ESRRG: variants seen among roughly 807,000 people sequenced by gnomAD.
ESRRG encodes estrogen related receptor gamma.
Under a neutral mutation model 44.0 loss-of-function variants are expected in ESRRG, and 13 were observed. That is an observed-to-expected ratio of 0.30 (90% CI 0.19 to 0.47). The LOEUF is 0.47. ESRRG is among the 20% of genes least tolerant of loss of function. The pLI is 1.00. For missense variants in ESRRG, 395 were observed against 580.6 expected (o/e 0.68, Z 3.29); for synonymous variants, 215 against 214.6 (o/e 1.00, Z -0.02).
intron 5 of ESRRG, among the ~76,000 whole-genome samples, chr1:216,532,060 A>G (rs2049530445): frequency 6.6e-6 from 1 of 152,064 alleles, no homozygotes; most frequent in East Asian, 1.9e-4. Context: ...GAGTAGCATG[A>G]ACATTACCTC....
At chr1:216,521,974 C>G (rs2046215877) in intron 5 of ESRRG, among the ~76,000 whole-genome samples, 1 of 152,120 alleles carries the variant, frequency 6.6e-6, no homozygotes, top group Non-Finnish European at 1.5e-5. Flanking sequence ...TGCACGGAAA[C>G]TTTAAAGTTG....
chr1:216,682,514 T>C (rs2077193991), intron 1 of ESRRG, among the ~76,000 whole-genome samples: 1 of 151,942 alleles, frequency 6.6e-6, no homozygotes, highest in African/African-American at 2.4e-5. Context: ...AGTCCTCAGC[T>C]CCTCTGTGTG....
intron 1 of ESRRG, among the ~76,000 whole-genome samples, chr1:217,085,551 C>T (rs1198349812): frequency 1.6e-5 from 2 of 125,404 alleles, no homozygotes; most frequent in African/African-American, 5.9e-5. Context: ...AGTGCAGTGG[C>T]GCCATCTCGG....
At chr1:216,762,824 A>G (rs536987614) in intron 2 of ESRRG, among the ~76,000 whole-genome samples, 2 of 152,202 alleles carry the variant, frequency 1.3e-5, no homozygotes, top group East Asian at 3.9e-4. Flanking sequence ...CTTGAGCTCA[A>G]AACACTTCCC....
At chr1:216,846,122 T>G (rs1360416606) in intron 2 of ESRRG, among the ~76,000 whole-genome samples, 5 of 152,152 alleles carry the variant, frequency 3.3e-5, no homozygotes, top group Non-Finnish European at 7.4e-5. Context: ...AAATAACAAC[T>G]TCATAGTTTG....
chr1:216,974,864 T>A (rs2150330274), intron 1 of ESRRG, among the ~76,000 whole-genome samples: 1 of 151,558 alleles, frequency 6.6e-6, no homozygotes, highest in East Asian at 1.9e-4. Flanking sequence ...GGGTTACACT[T>A]CCTTTTGTGC....
intron 2 of ESRRG, among the ~76,000 whole-genome samples, chr1:216,923,461 T>G (rs2062090196): frequency 6.6e-6 from 1 of 152,146 alleles, no homozygotes; most frequent in Non-Finnish European, 1.5e-5. Context: ...TTTCTGCATT[T>G]TTTTTTTCAA....
At chr1:216,909,085 A>G (rs1217397974) in intron 2 of ESRRG, among the ~76,000 whole-genome samples, 4 of 151,992 alleles carry the variant, frequency 2.6e-5, no homozygotes, top group Non-Finnish European at 1.5e-5. Flanking sequence ...AAATTCTGAG[A>G]AACATTTGAC....
chr1:217,020,668 G>T (rs1014865649), intron 1 of ESRRG, among the ~76,000 whole-genome samples: 3 of 152,170 alleles, frequency 2.0e-5, no homozygotes, highest in Non-Finnish European at 4.4e-5. Context: ...AAATGGGACA[G>T]AGGAGCTCTT....
chr1:216,918,029 G>T (rs1163572782), intron 2 of ESRRG, among the ~76,000 whole-genome samples: 2 of 152,076 alleles, frequency 1.3e-5, no homozygotes, highest in East Asian at 3.8e-4. Flanking sequence ...TCAAAATGCT[G>T]TTTTTGTATT....
At chr1:216,766,297 G>T (rs1304817623) in intron 2 of ESRRG, among the ~76,000 whole-genome samples, 1 of 152,084 alleles carries the variant, frequency 6.6e-6, no homozygotes, top group Non-Finnish European at 1.5e-5. Context: ...GCTGTTTGGG[G>T]CACTCTGGAG....
At chr1:217,099,330 T>C (rs2092471074) in intron 1 of ESRRG, among the ~76,000 whole-genome samples, 1 of 144,902 alleles carries the variant, frequency 6.9e-6, no homozygotes. Context: ...TCCTACCTTA[T>C]AGAAAAATAA....
intron 1 of ESRRG, among the ~76,000 whole-genome samples, chr1:216,695,194 A>C (rs961288466): frequency 1.3e-5 from 2 of 151,836 alleles, no homozygotes; most frequent in African/African-American, 4.8e-5. Flanking sequence ...ACAAAGTACG[A>C]TTTTTAATAT....
At chr1:217,069,582 CTT>C (rs1242702255) in intron 1 of ESRRG, among the ~76,000 whole-genome samples, 2 of 152,092 alleles carry the variant, frequency 1.3e-5, no homozygotes, top group Non-Finnish European at 2.9e-5. Context: ...TCCACTCTGA[CTT>C]ATATTGCATC....
intron 5 of ESRRG, among the ~76,000 whole-genome samples, chr1:216,527,808 T>C (rs778795079): frequency 1.3e-5 from 2 of 152,150 alleles, no homozygotes; most frequent in Non-Finnish European, 2.9e-5. Context: ...AATGTGAAGA[T>C]GAAGATGAAG....
chr1:217,108,840 G>T (rs150681265), intron 1 of ESRRG, among the ~76,000 whole-genome samples: 1 of 152,172 alleles, frequency 6.6e-6, no homozygotes, highest in African/African-American at 2.4e-5. Flanking sequence ...CCAGTATCAG[G>T]CATTTCTTTA....
chr1:216,598,489 G>GA (rs1306086680), intron 3 of ESRRG, among the ~76,000 whole-genome samples: 2 of 151,980 alleles, frequency 1.3e-5, no homozygotes, highest in Non-Finnish European at 2.9e-5. Context: ...TGTAAGAAAT[G>GA]AAAAAATGGA....
At chr1:217,035,995 A>G (rs2082822923) in intron 1 of ESRRG, among the ~76,000 whole-genome samples, 1 of 152,198 alleles carries the variant, frequency 6.6e-6, no homozygotes, top group Non-Finnish European at 1.5e-5. Context: ...TAAAAAATGG[A>G]CAAAGGACAT....
Position 217,127,598 on chromosome 1 carries a change from G to A in ESRRG, c.-230+10069C>T, listed in dbSNP as rs114694394. ...TATTTTATTCTAAGCAACATAATGTGGTAAGTAACTGAGAACATGGACTCT... is the reference window on the plus strand; with the variant it reads ...TATTTTATTCTAAGCAACATAATGTAGTAAGTAACTGAGAACATGGACTCT... On this transcript the variant is annotated intron_variant, in intron 1 of 8. Coordinates refer to the ESRRG transcript ENST00000366940. 5.3e-3 allele frequency among the ~76,000 whole-genome samples: 813 copies of A among 152,238 alleles called. 8 individuals are homozygous for A. The highest frequency in any genetic ancestry group is 0.019 in the African/African-American group (777 of 41,508).
Sources: allele counts gnomAD v4.1 joint callset (sites outside exome capture counted in the v4.1 genomes callset), GRCh38; gene constraint gnomAD v4.1.1; transcripts MANE v1.5; gene names NCBI Gene and HGNC (gene_info 2026-07-23, HGNC 2026-07-21).